CNTN5: variants seen among roughly 807,000 people sequenced by gnomAD.
The protein encoded by CNTN5 is contactin 5, also known as contactin-5.
Under a neutral mutation model 129.1 loss-of-function variants are expected in CNTN5, and 77 were observed. That is an observed-to-expected ratio of 0.60 (90% CI 0.50 to 0.72). CNTN5 has a LOEUF of 0.72. Among genes scored for constraint, CNTN5 ranks in the 30% least tolerant of loss-of-function variants. The pLI is 0.00. For synonymous variants in CNTN5, 509 were observed against 465.6 expected (o/e 1.09, Z -1.20); for missense variants, 1,478 against 1,328.8 (o/e 1.11, Z -1.75).
At chr11:99,145,084 G>A (rs1859710673) in intron 1 of CNTN5, among the ~76,000 whole-genome samples, 1 of 151,692 alleles carries the variant, frequency 6.6e-6, no homozygotes, top group African/African-American at 2.4e-5. Flanking sequence ...ATTTTTTATT[G>A]TTTGAGACAG....
chr11:99,411,546 T>A (rs1341394698), intron 2 of CNTN5, among the ~76,000 whole-genome samples: 7 of 117,408 alleles, frequency 6.0e-5, no homozygotes, highest in East Asian at 5.8e-4. Flanking sequence ...ATACAAAAAA[T>A]TTTTTTAAAA....
At chr11:99,692,112 T>C (rs1428264400) in intron 3 of CNTN5, among the ~76,000 whole-genome samples, 2 of 152,202 alleles carry the variant, frequency 1.3e-5, no homozygotes, top group African/African-American at 4.8e-5. Flanking sequence ...CCTCTTTCTC[T>C]TTATTTTCGG....
At chr11:99,510,845 A>G (rs1327810452) in intron 2 of CNTN5, among the ~76,000 whole-genome samples, 2 of 152,154 alleles carry the variant, frequency 1.3e-5, no homozygotes, top group African/African-American at 4.8e-5. Flanking sequence ...TATTTTTTAT[A>G]AAGTTGAGTG....
chr11:100,075,720 G>A (rs1944098574), intron 13 of CNTN5, among the ~76,000 whole-genome samples: 1 of 152,092 alleles, frequency 6.6e-6, no homozygotes, highest in South Asian at 2.1e-4. Context: ...AAGGGAGAAG[G>A]GAGAAGGTCA....
At chr11:99,228,894 G>A (rs73532943) in intron 1 of CNTN5, among the ~76,000 whole-genome samples, 2,480 of 151,772 alleles carry the variant, frequency 0.016, 80 homozygotes, top group African/African-American at 0.057. Flanking sequence ...CGTTAATACT[G>A]TATATATTTC....
intron 3 of CNTN5, among the ~76,000 whole-genome samples, chr11:99,775,912 T>C (rs930437899): frequency 2.0e-5 from 3 of 152,002 alleles, no homozygotes; most frequent in Admixed American, 2.0e-4. Context: ...ATAAAGACAT[T>C]AGAATATGTG....
chr11:99,573,129 G>T (rs532143213), intron 3 of CNTN5, among the ~76,000 whole-genome samples: 1 of 151,240 alleles, frequency 6.6e-6, no homozygotes, highest in East Asian at 1.9e-4. Context: ...AATGAAGTAT[G>T]TTGCCAAGAA....
At chr11:99,052,326 G>A (rs1367626384) in intron 1 of CNTN5, among the ~76,000 whole-genome samples, 3 of 151,806 alleles carry the variant, frequency 2.0e-5, no homozygotes, top group Admixed American at 2.0e-4. Context: ...TTCAGCCAAT[G>A]ACAGACCACA....
At chr11:99,766,088 C>A (rs1183287377) in intron 3 of CNTN5, among the ~76,000 whole-genome samples, 1 of 151,946 alleles carries the variant, frequency 6.6e-6, no homozygotes, top group Non-Finnish European at 1.5e-5. Context: ...GTACTTCCTA[C>A]TGACACAATA....
chr11:99,937,004 C>T (rs777438255), intron 7 of CNTN5, among the ~76,000 whole-genome samples: 1 of 151,970 alleles, frequency 6.6e-6, no homozygotes, highest in Non-Finnish European at 1.5e-5. Context: ...GTATGTAATA[C>T]AGTACATATA....
intron 3 of CNTN5, among the ~76,000 whole-genome samples, chr11:99,598,455 T>TTCCA (rs1406574170): frequency 7.3e-6 from 1 of 136,668 alleles, no homozygotes; most frequent in Admixed American, 7.3e-5. Flanking sequence ...CCTTCCTTCC[T>TTCCA]TCCTTTTTCC....
chr11:99,591,683 T>C (rs1042525929), intron 3 of CNTN5, among the ~76,000 whole-genome samples: 1 of 151,976 alleles, frequency 6.6e-6, no homozygotes, highest in Admixed American at 6.6e-5. Context: ...GGAAGAGAGA[T>C]AACGAGATAC....
At chr11:99,846,352 T>G (rs1207837302) in intron 6 of CNTN5, among the ~76,000 whole-genome samples, 2 of 104,066 alleles carry the variant, frequency 1.9e-5, no homozygotes, top group African/African-American at 8.4e-5. Flanking sequence ...AGTGAGGATC[T>G]GTCTCAAAAA....
chr11:100,173,120 A>G (rs1409542982), intron 13 of CNTN5, among the ~76,000 whole-genome samples: 1 of 152,106 alleles, frequency 6.6e-6, no homozygotes, highest in Non-Finnish European at 1.5e-5. Context: ...TCTGGAAATC[A>G]GACAGCTCCT....
At chr11:99,343,735 G>A (rs1269175696) in intron 2 of CNTN5, among the ~76,000 whole-genome samples, 1 of 152,046 alleles carries the variant, frequency 6.6e-6, no homozygotes, top group Non-Finnish European at 1.5e-5. Flanking sequence ...ATAATGACCA[G>A]TCATTCATTT....
chr11:100,244,641 T>C (rs1452517271), intron 16 of CNTN5, among the ~76,000 whole-genome samples: 3 of 152,188 alleles, frequency 2.0e-5, no homozygotes, highest in African/African-American at 7.2e-5. Flanking sequence ...AAAATTCTTT[T>C]TCTGGTTTCC....
intron 13 of CNTN5, among the ~76,000 whole-genome samples, chr11:100,088,102 A>G (rs1944625011): frequency 1.3e-5 from 2 of 151,952 alleles, no homozygotes; most frequent in African/African-American, 4.8e-5. Flanking sequence ...CTAAGATGCA[A>G]ATAAGCACAA....
intron 2 of CNTN5, among the ~76,000 whole-genome samples, chr11:99,460,133 C>T (rs977489972): frequency 1.1e-4 from 16 of 151,356 alleles, no homozygotes; most frequent in African/African-American, 3.4e-4. Flanking sequence ...TAAAGAATGT[C>T]GTGCTAAACC....
intron 6 of CNTN5, among the ~76,000 whole-genome samples, chr11:99,853,383 C>T (rs1052138709): frequency 4.0e-5 from 6 of 150,652 alleles, no homozygotes; most frequent in South Asian, 2.1e-4. Flanking sequence ...AATATATATA[C>T]GTATATATAT....
Sources: gnomAD v4.1 joint callset for allele counts (sites outside exome capture counted in the v4.1 genomes callset) on GRCh38, gnomAD v4.1.1 for gene constraint, MANE v1.5 for transcripts, NCBI Gene and HGNC (gene_info 2026-07-23, HGNC 2026-07-21) for gene names.